Variants in VSTM4 observed in about 807,000 individuals in gnomAD.
VSTM4 encodes the protein V-set and transmembrane domain-containing protein 4.
A neutral mutation model predicts 36.4 loss-of-function variants in VSTM4; 20 were observed. That is an observed-to-expected ratio of 0.55 (90% CI 0.39 to 0.80). VSTM4 has a LOEUF of 0.80. VSTM4 is among the 30% of genes least tolerant of loss of function. The pLI, the probability that VSTM4 is intolerant of heterozygous loss-of-function variation, is 0.00. For missense variants in VSTM4, 392 were observed against 404.5 expected (o/e 0.97, Z 0.26); for synonymous variants, 182 against 173.9 (o/e 1.05, Z -0.37).
Position 49,048,549 on chromosome 10 carries a change from GC to G in VSTM4, c.703del (p.Ala235ProfsTer27). On this transcript the variant is annotated frameshift_variant, in exon 6 of 8. Coordinates refer to ENST00000332853, the MANE Select transcript of VSTM4 (RefSeq NM_001031746.5). LOFTEE classifies it high-confidence loss of function. The stretch of plus-strand genomic sequence containing the variant: ...CTTGCCCTTCTTGGGCTGTAGTGGG[GC>G]CAAGCTGGTCACGCTAGTGACAGTC... The part of the protein sequence containing the change: ...GETVTSVTSL[A>X]PLQPKKGKRQ... 1 of 1,597,760 alleles carries G rather than the reference GC, an allele frequency of 6.3e-7. No homozygotes were observed. The highest frequency in any genetic ancestry group is 8.5e-7 in the Non-Finnish European group (1 of 1,174,276).
intron 5 of VSTM4, among the ~76,000 whole-genome samples, chr10:49,049,133 C>T (rs1843659241): frequency 6.6e-6 from 1 of 152,160 alleles, no homozygotes; most frequent in African/African-American, 2.4e-5. Flanking sequence ...ACTGCCGGAG[C>T]TTTCTTCTCT....
At chr10:49,109,488 A>AT (rs5784791) in intron 1 of VSTM4, among the ~76,000 whole-genome samples, 48,493 of 151,902 alleles carry the variant, frequency 0.32, 7,959 homozygotes, top group Admixed American at 0.4. Context: ...TTTCAGGATC[A>AT]TTTTTCCTTA....
chr10:49,037,022 A>G (rs1258052577), intron 7 of VSTM4, among the ~76,000 whole-genome samples: 1 of 152,250 alleles, frequency 6.6e-6, no homozygotes, highest in Non-Finnish European at 1.5e-5. Context: ...CTAGGAGATC[A>G]TGGGGCAAGG....
At position 49,096,749 on chromosome 10, in the gene VSTM4, G is replaced by A. The variant is rs150460257; in HGVS notation, c.458-10726C>T. The stretch of plus-strand genomic sequence containing the variant: ...GGCTCACTGCAACTTCTGCCTCCCA[G>A]GTCCAAGTGATTCTCCTGCCTCAGC... On this transcript the variant is annotated intron_variant, in intron 2 of 7. Transcript: ENST00000332853. 2.0e-3 allele frequency among the ~76,000 whole-genome samples: 307 copies of A among 151,538 alleles called. 3 individuals carry two copies. In the East Asian group the frequency reaches 0.022, roughly 11 times the overall value.
rs772135777 is a variant in VSTM4, at chr10:49,085,981, G to A, written c.500C>T (p.Thr167Ile). 1.3e-6 allele frequency: 2 copies of A among 1,595,652 alleles called. No individual in the cohort carries two copies. Among genetic ancestry groups the A allele is most frequent in the African/African-American group, 1.4e-5 (1 of 74,020 alleles). The change falls in exon 3 of 8, where the codon ACA becomes ATA. Residue 167 changes from threonine (T) to isoleucine (I), a missense_variant. Transcript: ENST00000332853. Reference sequence around the variant, plus strand: ...TTCAAAAAATGCCCAAGTCTCTTTTGTTTTCTCAAAGGATGACTCTTCAGA... The same window carrying A: ...TTCAAAAAATGCCCAAGTCTCTTTTATTTTCTCAAAGGATGACTCTTCAGA... ...KASEESSFEKTKETWAFFEDL... is the reference protein window; with the variant it reads ...KASEESSFEKIKETWAFFEDL...
chr10:49,111,651 C>T (rs908598109), intron 1 of VSTM4, among the ~76,000 whole-genome samples: 5 of 152,132 alleles, frequency 3.3e-5, no homozygotes, highest in Admixed American at 2.6e-4. Context: ...GGAGACGCAT[C>T]GTCCCCCTCC....
intron 3 of VSTM4, among the ~76,000 whole-genome samples, chr10:49,084,009 C>T (rs1364845048): frequency 6.6e-6 from 1 of 152,202 alleles, no homozygotes; most frequent in African/African-American, 2.4e-5. Context: ...GTGATCTACC[C>T]TTGCCACAGC....
At chr10:49,051,780 C>T (rs1843702509) in intron 5 of VSTM4, among the ~76,000 whole-genome samples, 1 of 152,232 alleles carries the variant, frequency 6.6e-6, no homozygotes, top group Admixed American at 6.5e-5. Context: ...TGAAAGGCAT[C>T]TCAGCTGCTT....
At chr10:49,031,417 T>A (rs904489790) in intron 7 of VSTM4, among the ~76,000 whole-genome samples, 3 of 152,238 alleles carry the variant, frequency 2.0e-5, no homozygotes, top group African/African-American at 7.2e-5. Context: ...CTGGTAGGCA[T>A]ACAGTAAATG....
At chr10:49,041,578 T>C (rs912089778) in intron 7 of VSTM4, among the ~76,000 whole-genome samples, 11 of 152,198 alleles carry the variant, frequency 7.2e-5, no homozygotes, top group African/African-American at 2.7e-4. Context: ...GAAAACTCTA[T>C]TGAATCTGAT....
chr10:49,088,461 C>T (rs991126216), intron 2 of VSTM4, among the ~76,000 whole-genome samples: 2 of 152,226 alleles, frequency 1.3e-5, no homozygotes, highest in Non-Finnish European at 2.9e-5. Flanking sequence ...AATCTACTGA[C>T]TGCCAGATTC....
intron 7 of VSTM4, among the ~76,000 whole-genome samples, chr10:49,043,036 CCAGTG>C (rs1843545290): frequency 6.6e-6 from 1 of 152,008 alleles, no homozygotes; most frequent in Admixed American, 6.6e-5. Context: ...AGCAAGGAGG[CCAGTG>C]TGGCTGAAGG....
chr10:49,102,970 A>G (rs1844695165), intron 2 of VSTM4: 1 of 157,554 alleles, frequency 6.3e-6, no homozygotes, highest in Admixed American at 6.5e-5. Context: ...CATAAAATTA[A>G]CCAACACTCT....
rs570213251 is a variant in VSTM4 at position 49,090,139 on chromosome 10, G to A, written c.458-4116C>T. On this transcript the variant is annotated intron_variant, in intron 2 of 7. Transcript: ENST00000332853. ...CCACAGATTACTAATGTTGCTCAAA[G>A]ACTTGTGGAAATAAAATGCAAATCT... is the stretch of plus-strand genomic sequence containing the variant. Among the ~76,000 whole-genome samples, 18 of 152,356 alleles carry A rather than the reference G, an allele frequency of 1.2e-4. No homozygotes were observed. The South Asian group carries it at 3.7e-3, about 32-fold the overall frequency.
chr10:49,047,291 A>G (rs1843627714), intron 6 of VSTM4, among the ~76,000 whole-genome samples: 1 of 152,180 alleles, frequency 6.6e-6, no homozygotes, highest in Non-Finnish European at 1.5e-5. Flanking sequence ...TGCCAGCTAC[A>G]TGGATGTCAG....
chr10:49,055,631 T>TGAAC (rs1825342746), intron 5 of VSTM4, among the ~76,000 whole-genome samples: 1 of 152,228 alleles, frequency 6.6e-6, no homozygotes, highest in Admixed American at 6.5e-5. Context: ...GCCTTAGGCT[T>TGAAC]TTTGAACTTG....
rs1427130345 is a variant in VSTM4 at position 49,017,398 on chromosome 10, G to T, written c.*2252C>A. ...TTTCAGTAGGAGGAGATAATCTGCA[G>T]GTTCCCATTCACACACCTTAGTGTG... On this transcript the variant is annotated 3_prime_UTR_variant, in exon 8 of 8. Coordinates refer to ENST00000332853, the MANE Select transcript of VSTM4 (RefSeq NM_001031746.5). 3 of 152,210 alleles carry T rather than the reference G, an allele frequency of 2.0e-5. No individual in the cohort carries two copies. The highest frequency in any genetic ancestry group is 4.4e-5 in the Non-Finnish European group (3 of 68,054). 9.4% of individuals were successfully genotyped at this position (152,210 alleles called of 1,614,324 possible).
intron 2 of VSTM4, chr10:49,102,478 G>A (rs1169647176): frequency 2.0e-6 from 2 of 985,316 alleles, no homozygotes; most frequent in Non-Finnish European, 2.4e-6. Context: ...CTGTGCCACA[G>A]CAGCTTGAAA....
At chr10:49,091,991 GGA>G (rs1844483712) in intron 2 of VSTM4, among the ~76,000 whole-genome samples, 2 of 152,170 alleles carry the variant, frequency 1.3e-5, no homozygotes, top group South Asian at 4.1e-4. Context: ...GAACGAGGCA[GGA>G]GGGAGCAGGA....
Sources: gnomAD v4.1 joint callset for allele counts (sites outside exome capture counted in the v4.1 genomes callset) on GRCh38, gnomAD v4.1.1 for gene constraint, MANE v1.5 for transcripts, NCBI Gene and HGNC (gene_info 2026-07-23, HGNC 2026-07-21) for gene names.